Variants in TMEM132D observed in about 807,000 individuals in gnomAD.
TMEM132D encodes transmembrane protein 132D, also known as mature OL transmembrane protein.
Under a neutral mutation model 62.3 loss-of-function variants are expected in TMEM132D, and 21 were observed. The observed-to-expected ratio is 0.34, with a 90% CI of 0.24 to 0.49. The LOEUF (loss-of-function observed/expected upper bound fraction) is 0.49. Ranked by LOEUF, TMEM132D falls within the 20% of genes least tolerant of loss-of-function variation. The pLI is 0.99. For synonymous variants in TMEM132D, 621 were observed against 575.6 expected (o/e 1.08, Z -1.13); for missense variants, 1,346 against 1,402.8 (o/e 0.96, Z 0.65).
At chr12:129,568,336 C>T (rs146393768) in intron 2 of TMEM132D, among the ~76,000 whole-genome samples, 1 of 152,212 alleles carries the variant, frequency 6.6e-6, no homozygotes, top group Non-Finnish European at 1.5e-5. Context: ...CCTGTCACCC[C>T]CTGGTCCATA....
At chr12:129,340,856 C>A (rs1869454109) in intron 3 of TMEM132D, among the ~76,000 whole-genome samples, 1 of 152,178 alleles carries the variant, frequency 6.6e-6, no homozygotes, top group Non-Finnish European at 1.5e-5. Context: ...CAGGACTATA[C>A]CAACCTTCAG....
intron 3 of TMEM132D, among the ~76,000 whole-genome samples, chr12:129,528,416 A>G (rs2137087133): frequency 7.2e-6 from 1 of 139,194 alleles, no homozygotes; most frequent in African/African-American, 2.8e-5. Context: ...TGAAATAGGT[A>G]ATACATGCAC....
At chr12:129,347,112 C>T (rs1011194715) in intron 3 of TMEM132D, among the ~76,000 whole-genome samples, 4 of 152,122 alleles carry the variant, frequency 2.6e-5, no homozygotes, top group African/African-American at 4.8e-5. Flanking sequence ...GAATCGGTAT[C>T]GTGAAAATGG....
At chr12:129,780,127 G>A (rs1208737833) in intron 1 of TMEM132D, among the ~76,000 whole-genome samples, 1 of 152,088 alleles carries the variant, frequency 6.6e-6, no homozygotes, top group East Asian at 1.9e-4. Flanking sequence ...GCATTCAGAT[G>A]TGTCTCGCCC....
At position 129,072,868 on chromosome 12, in the gene TMEM132D, T is replaced by C. The variant is rs995109201; in HGVS notation, c.*1007A>G. The C allele has an allele frequency of 1.3e-5, 2 of 152,182 alleles. No homozygotes were observed. Among genetic ancestry groups the C allele is most frequent in the African/African-American group, 4.8e-5 (2 of 41,428 alleles). 9.4% of individuals were successfully genotyped at this position (152,182 alleles called of 1,614,324 possible). On this transcript the variant is annotated 3_prime_UTR_variant, in exon 9 of 9. Transcript: ENST00000422113. ...TGGAATTCACCGTGACTACCGCCCA[T>C]GCCTAGAGACCAGCCTCTTCAAAGA... is the stretch of plus-strand genomic sequence containing the variant.
intron 5 of TMEM132D, among the ~76,000 whole-genome samples, chr12:129,127,325 T>C (rs933315666): frequency 3.4e-4 from 52 of 152,170 alleles, no homozygotes; most frequent in Non-Finnish European, 1.5e-4. Flanking sequence ...TTGTGACAAA[T>C]GCCTCTTTGG....
chr12:129,147,292 A>ATGTATATATATACATGTGCATT (rs1876938450), intron 5 of TMEM132D, among the ~76,000 whole-genome samples: 1 of 150,206 alleles, frequency 6.7e-6, no homozygotes, highest in Non-Finnish European at 1.5e-5. Flanking sequence ...ACATGTGCAT[A>ATGTATATATATACATGTGCATT]TGTATATATA....
At chr12:129,257,071 G>A (rs1443322896) in intron 4 of TMEM132D, among the ~76,000 whole-genome samples, 1 of 152,132 alleles carries the variant, frequency 6.6e-6, no homozygotes, top group Non-Finnish European at 1.5e-5. Context: ...AACATATCAT[G>A]GGTGTCTGAG....
chr12:129,788,824 A>G (rs951162425), intron 1 of TMEM132D, among the ~76,000 whole-genome samples: 3 of 152,138 alleles, frequency 2.0e-5, no homozygotes, highest in African/African-American at 7.2e-5. Flanking sequence ...TAGCCAAGAT[A>G]GGGAGGGACC....
At chr12:129,860,556 T>G (rs529573605) in intron 1 of TMEM132D, among the ~76,000 whole-genome samples, 1 of 152,388 alleles carries the variant, frequency 6.6e-6, no homozygotes, top group East Asian at 1.9e-4. Flanking sequence ...TATGTATGCA[T>G]AAATATATAT....
chr12:129,337,623 G>A lies in TMEM132D; in HGVS notation c.1299+11C>T, dbSNP rs762694158. On this transcript the variant is annotated intron_variant, in intron 4 of 8. Coordinates refer to ENST00000422113, the MANE Select transcript of TMEM132D (RefSeq NM_133448.3). ...GTTCAGTTCTAACAGCCCAGGGCGGGGCTTGCTTACCATAGCCAGCGGCAC... is the reference window on the plus strand; with the variant it reads ...GTTCAGTTCTAACAGCCCAGGGCGGAGCTTGCTTACCATAGCCAGCGGCAC... The A allele has an allele frequency of 1.3e-5, 21 of 1,613,530 alleles. No individual in the cohort carries two copies. In the South Asian group the frequency reaches 1.9e-4, roughly 14 times the overall value.
intron 1 of TMEM132D, among the ~76,000 whole-genome samples, chr12:129,848,583 G>A (rs1164790714): frequency 6.6e-6 from 1 of 152,190 alleles, no homozygotes; most frequent in Non-Finnish European, 1.5e-5. Context: ...CCTGGGTAGA[G>A]GTGTAGGACA....
intron 2 of TMEM132D, among the ~76,000 whole-genome samples, chr12:129,655,519 T>C (rs994412219): frequency 1.3e-5 from 2 of 151,790 alleles, no homozygotes; most frequent in Admixed American, 1.3e-4. Context: ...AGTGCTGGGA[T>C]TACAGGCATG....
At chr12:129,374,131 T>C (rs946438158) in intron 3 of TMEM132D, among the ~76,000 whole-genome samples, 1 of 152,194 alleles carries the variant, frequency 6.6e-6, no homozygotes, top group Non-Finnish European at 1.5e-5. Flanking sequence ...CATAGACTAG[T>C]GGCTTATAAA....
At chr12:129,632,749 G>A (rs1018992529) in intron 2 of TMEM132D, among the ~76,000 whole-genome samples, 9 of 152,128 alleles carry the variant, frequency 5.9e-5, no homozygotes, top group African/African-American at 1.4e-4. Flanking sequence ...CTCCCTCTCC[G>A]CATCATCCCT....
rs553240334 is a variant in TMEM132D, at chr12:129,609,249, T to C, written c.969-78044A>G. Among the ~76,000 whole-genome samples the C allele has an allele frequency of 5.3e-5, 8 of 152,210 alleles. No homozygotes were observed. In the East Asian group the frequency reaches 1.4e-3, roughly 26 times the overall value. ...AGTGAGCCACCATGCCTGGCCAAGT[T>C]GTTCACTTTTCATAGGTTCCAAGGT... is the stretch of plus-strand genomic sequence containing the variant. On this transcript the variant is annotated intron_variant, in intron 2 of 8. Transcript: ENST00000422113.
intron 1 of TMEM132D, among the ~76,000 whole-genome samples, chr12:129,796,415 C>T (rs1009811585): frequency 2.0e-5 from 3 of 152,106 alleles, no homozygotes; most frequent in African/African-American, 7.2e-5. Flanking sequence ...TCTAATCCTG[C>T]TCTTTTTTCT....
chr12:129,694,453 G>A (rs1881146764), intron 2 of TMEM132D, among the ~76,000 whole-genome samples: 1 of 152,170 alleles, frequency 6.6e-6, no homozygotes, highest in African/African-American at 2.4e-5. Flanking sequence ...GCCTGAGAAG[G>A]ACTCTATTTC....
At chr12:129,157,185 T>A (rs1449303612) in intron 5 of TMEM132D, among the ~76,000 whole-genome samples, 1 of 152,236 alleles carries the variant, frequency 6.6e-6, no homozygotes, top group Non-Finnish European at 1.5e-5. Context: ...ACTCCCAAGA[T>A]AACTAACCCA....
Sources: gnomAD v4.1 joint callset for allele counts (sites outside exome capture counted in the v4.1 genomes callset) on GRCh38, gnomAD v4.1.1 for gene constraint, MANE v1.5 for transcripts, NCBI Gene and HGNC (gene_info 2026-07-23, HGNC 2026-07-21) for gene names.